Variants in HSPA4 observed in about 807,000 individuals in gnomAD.
HSPA4 encodes the protein heat shock protein family A (Hsp70) member 4, also known as heat shock 70 kDa protein 4.
In HSPA4, 25 loss-of-function variants were observed where a neutral mutation model predicts 106.2. That is an observed-to-expected ratio of 0.24 (90% CI 0.17 to 0.33). The LOEUF (loss-of-function observed/expected upper bound fraction) is 0.33. Among genes scored for constraint, HSPA4 ranks in the 10% least tolerant of loss-of-function variants. HSPA4 has a pLI of 1.00. For synonymous variants in HSPA4, 332 were observed against 333.6 expected, an observed-to-expected ratio of 1.00 and a Z score of 0.05; for missense variants, 841 against 996.0, an observed-to-expected ratio of 0.84 and a Z score of 2.10.
chr5:133,080,437 A>G (rs865844242), intron 7 of HSPA4, among the ~76,000 whole-genome samples: 3,021 of 150,964 alleles, frequency 0.02, 95 homozygotes, highest in African/African-American at 0.069. Flanking sequence ...AAAAAAAAAA[A>G]AAAACCCAAT....
Position 133,089,061 on chromosome 5 carries a change from A to G in HSPA4, c.1144A>G (p.Ile382Val). The G allele has an allele frequency of 6.3e-7, 1 of 1,584,632 alleles. No individual in the cohort carries two copies. Among genetic ancestry groups the G allele is most frequent in the Non-Finnish European group, 8.6e-7 (1 of 1,160,846 alleles). ...VTRGCALQCA[I>V]LSPAFKVREF... Reference sequence around the variant, plus strand: ...TTGAAAATTATTATTCTAGTGTGCCATCTTATCGCCTGCTTTCAAAGTCAG... The same window carrying G: ...TTGAAAATTATTATTCTAGTGTGCCGTCTTATCGCCTGCTTTCAAAGTCAG... Residue 382 changes from isoleucine to valine, a missense_variant, in exon 10 of 19, where the codon ATC (isoleucine) becomes GTC (valine). Physicochemically the swap from Ile to Val is conservative, Grantham distance 29 (BLOSUM62 3). This residue lies in a region of HSPA4 where 162 missense variants were observed against 177.7 expected (regional missense o/e 0.91). Coordinates refer to ENST00000304858, the MANE Select transcript of HSPA4 (RefSeq NM_002154.4).
chr5:133,097,183 A>G lies in HSPA4; in HGVS notation c.1826A>G (p.Lys609Arg). The change falls in exon 15 of 19, where the codon AAA becomes AGA. Residue 609 changes from lysine (K) to arginine (R), a missense_variant. By Grantham distance (26) the Lys-to-Arg change is conservative. Coordinates refer to ENST00000304858, the MANE Select transcript of HSPA4 (RefSeq NM_002154.4). The stretch of plus-strand genomic sequence containing the variant: ...CAGGGTAAGATGATCATGCAGGATA[A>G]ACTGGAGAAGGAGCGGAATGATGCT... ...ENEGKMIMQDKLEKERNDAKN... is the reference protein window; with the variant it reads ...ENEGKMIMQDRLEKERNDAKN... 6.2e-7 allele frequency: 1 copy of G among 1,611,716 alleles called. No individual in the cohort carries two copies. Among genetic ancestry groups the G allele is most frequent in the Non-Finnish European group, 8.5e-7 (1 of 1,178,024 alleles).
chr5:133,081,322 A>G (rs763474073), intron 7 of HSPA4, among the ~76,000 whole-genome samples: 52 of 152,200 alleles, frequency 3.4e-4, no homozygotes, highest in Non-Finnish European at 6.2e-4. Context: ...TGCGGGGATT[A>G]TAAGTGTGAG....
chr5:133,086,746 T>C, intron 7 of HSPA4, 36 bp from the exon 8 acceptor site: 1 of 1,431,366 alleles, frequency 7.0e-7, no homozygotes, highest in Non-Finnish European at 9.8e-7. Context: ...TGTGATTTAA[T>C]GTACTGTGTT....
rs759136543 is a variant in HSPA4 at position 133,076,924 on chromosome 5, A to G, written c.908+26A>G. ...GTAAGTATATTACTATTTCGATGTT[A>G]AAGTGAAGAGTGAGTTTTCTCCACA... On this transcript the variant is annotated intron_variant, in intron 7 of 18. Coordinates refer to ENST00000304858, the MANE Select transcript of HSPA4 (RefSeq NM_002154.4). The G allele has an allele frequency of 6.4e-6, 10 of 1,568,460 alleles. No homozygotes were observed. The African/African-American group carries it at 1.2e-4, about 19-fold the overall frequency.
intron 1 of HSPA4, among the ~76,000 whole-genome samples, chr5:133,059,190 G>A (rs1400304135): frequency 6.6e-6 from 1 of 151,716 alleles, no homozygotes; most frequent in Non-Finnish European, 1.5e-5. Context: ...GCTCGTGCCT[G>A]TAATCCCAGC....
At chr5:133,088,373 T>TA (rs760911025) in intron 8 of HSPA4, 31 bp from the exon 9 acceptor site, 6 of 1,468,598 alleles carry the variant, frequency 4.1e-6, no homozygotes, top group Admixed American at 1.8e-5. Flanking sequence ...TTCATTTCAT[T>TA]AAAAAAATCT....
Position 133,089,080 on chromosome 5 carries a change from A to G in HSPA4, c.1163A>G (p.Lys388Arg), listed in dbSNP as rs377652336. Residue 388 changes from lysine (K) to arginine (R), a missense_variant, in exon 10 of 19, where the codon AAA becomes AGA. Lys to Arg is a conservative substitution (Grantham distance 26). Coordinates refer to ENST00000304858, the MANE Select transcript of HSPA4 (RefSeq NM_002154.4). ...TGTGCCATCTTATCGCCTGCTTTCAAAGTCAGAGAATTTTCTATCACTGAT... is the reference window on the plus strand; with the variant it reads ...TGTGCCATCTTATCGCCTGCTTTCAGAGTCAGAGAATTTTCTATCACTGAT... ...LQCAILSPAF[K>R]VREFSITDVV... is the part of the protein sequence containing the mutation. The G allele has an allele frequency of 5.6e-6, 9 of 1,600,222 alleles. No homozygotes were observed. Among genetic ancestry groups the G allele is most frequent in the Admixed American group, 1.7e-5 (1 of 57,658 alleles).
In HSPA4 at chr5:133,060,068, C is replaced by CTTTTTT. The variant is rs370182052; in HGVS notation, c.108-4906_108-4901dup. 2.1e-3 allele frequency among the ~76,000 whole-genome samples: 313 copies of CTTTTTT among 146,122 alleles called. 1 individual carries two copies. The highest frequency in any genetic ancestry group is 5.4e-3 in the East Asian group (27 of 5,022). Reference sequence around the variant, plus strand: ...AACTGATTGTGGTATATCAGTTTTACTTTTTTTTTTTAGGACTTACTAGAT... The same window carrying CTTTTTT: ...AACTGATTGTGGTATATCAGTTTTACTTTTTTTTTTTTTTTTTAGGACTTACTAGAT... On this transcript the variant is annotated intron_variant, in intron 1 of 18. Coordinates refer to ENST00000304858, the MANE Select transcript of HSPA4 (RefSeq NM_002154.4).
chr5:133,097,887 G>T, intron 15 of HSPA4, among the ~76,000 whole-genome samples: 1 of 148,024 alleles, frequency 6.8e-6, no homozygotes, highest in Admixed American at 6.7e-5. Context: ...ACTTTTTCCT[G>T]TTTATTGTAA....
At chr5:133,088,667 G>A in intron 9 of HSPA4, 112 bp downstream of exon 9, 1 of 848,432 alleles carries the variant, frequency 1.2e-6, no homozygotes, top group Non-Finnish European at 1.9e-6. Context: ...AGGGTGTTGA[G>A]ATTCCAAAAC....
intron 1 of HSPA4, among the ~76,000 whole-genome samples, chr5:133,060,611 C>T (rs887814249): frequency 1.3e-5 from 2 of 152,184 alleles, no homozygotes; most frequent in South Asian, 4.1e-4. Flanking sequence ...ATCTGCCCAC[C>T]TCGGCCTCTC....
rs778448316 is a variant in HSPA4, at chr5:133,096,086, C to G, written c.1651-12C>G. 2 of 1,609,790 alleles carry G rather than the reference C, an allele frequency of 1.2e-6. No homozygotes were observed. The highest frequency in any genetic ancestry group is 1.1e-5 in the South Asian group (1 of 90,310). The stretch of plus-strand genomic sequence containing the variant: ...TATATGTGTTTGTTCTTAATGATTT[C>G]TATTGTTTTAGACCTCTCAAGCTGG... On this transcript the variant is annotated splice_polypyrimidine_tract_variant and intron_variant, in intron 13 of 18. Transcript: ENST00000304858.
chr5:133,073,899 T>TG (rs1322912916), intron 5 of HSPA4, 94 bp from the exon 6 acceptor site: 1 of 713,346 alleles, frequency 1.4e-6, no homozygotes, highest in African/African-American at 1.8e-5. Context: ...CACATGTAGT[T>TG]GCATTCGTTA....
chr5:133,101,658 A>G, intron 16 of HSPA4, 101 bp from the exon 17 acceptor site: 1 of 1,097,766 alleles, frequency 9.1e-7, no homozygotes, highest in Non-Finnish European at 1.3e-6. Flanking sequence ...CTTCTTATAT[A>G]TAGCACACGG....
At chr5:133,077,605 A>G (rs770126253) in intron 7 of HSPA4, among the ~76,000 whole-genome samples, 2 of 151,878 alleles carry the variant, frequency 1.3e-5, no homozygotes, top group Admixed American at 6.6e-5. Context: ...TAGTGCTGCA[A>G]GAATTCTGGG....
chr5:133,087,236 A>G (rs1160064401), intron 8 of HSPA4, among the ~76,000 whole-genome samples: 1 of 152,208 alleles, frequency 6.6e-6, no homozygotes, highest in Non-Finnish European at 1.5e-5. Context: ...ATAACCACAT[A>G]CTTATTTAAC....
At chr5:133,080,032 T>C (rs1765494337) in intron 7 of HSPA4, among the ~76,000 whole-genome samples, 1 of 152,230 alleles carries the variant, frequency 6.6e-6, no homozygotes, top group Non-Finnish European at 1.5e-5. Context: ...GTGTATAATA[T>C]TGCTGTCAAA....
intron 7 of HSPA4, among the ~76,000 whole-genome samples, chr5:133,083,053 T>C (rs1765533592): frequency 6.6e-6 from 1 of 150,526 alleles, no homozygotes; most frequent in South Asian, 2.1e-4. Context: ...GAGAATTGCT[T>C]GGACCCGGGA....
Sources: gnomAD v4.1 joint callset for allele counts (sites outside exome capture counted in the v4.1 genomes callset) on GRCh38, gnomAD v4.1.1 for gene constraint, gnomAD v4.1.1 regional missense constraint, MANE v1.5 for transcripts, NCBI Gene and HGNC (gene_info 2026-07-23, HGNC 2026-07-21) for gene names.